The following OTOG variants were observed in gnomAD, a reference collection of about 807,000 sequenced individuals.
The protein encoded by OTOG is otogelin.
A neutral mutation model predicts 313.8 loss-of-function variants in OTOG; 296 were observed. The ratio of observed to expected loss-of-function variants is 0.94; its 90% CI spans 0.86 to 1.04. The LOEUF (loss-of-function observed/expected upper bound fraction) is 1.04, where lower values mean the gene tolerates loss of function less well. Ranked by LOEUF, OTOG falls within the 50% of genes least tolerant of loss-of-function variation. The pLI, the probability that OTOG is intolerant of heterozygous loss-of-function variation, is 0.00. For synonymous variants in OTOG, 1,533 were observed against 1,554.9 expected, an observed-to-expected ratio of 0.99 and a Z score of 0.33; for missense variants, 3,948 against 3,840.1, an observed-to-expected ratio of 1.03 and a Z score of -0.74.
intron 55 of OTOG, 36 bp downstream of exon 55, chr11:17,645,679 A>C: frequency 6.4e-7 from 1 of 1,550,648 alleles, no homozygotes; most frequent in East Asian, 2.4e-5. Context: ...GGCAGCAAAA[A>C]ATGGGATGGA....
chr11:17,635,159 G>A lies in OTOG; in HGVS notation c.7665G>A (p.Gly2555=), dbSNP rs1854233943. The change falls in exon 46 of 56, where the codon GGG becomes GGA. Residue 2555 remains glycine, a synonymous_variant. Transcript: ENST00000399397. ...QDQILITGRL[G]DSCCTSYFCA... ...AGATCCTGATCACGGGCCGCCTGGG[G>A]GACTCCTGCTGCACCTCCTACTTCT... is the stretch of plus-strand genomic sequence containing the variant. The A allele has an allele frequency of 9.7e-6, 15 of 1,547,604 alleles. No homozygotes were observed. Among genetic ancestry groups the A allele is most frequent in the Non-Finnish European group, 1.2e-5 (14 of 1,146,742 alleles).
chr11:17,628,367 G>A (rs1352258362), intron 39 of OTOG, among the ~76,000 whole-genome samples: 1 of 151,876 alleles, frequency 6.6e-6, no homozygotes, highest in Non-Finnish European at 1.5e-5. Flanking sequence ...GAAGGGAGGA[G>A]GTTAATTCAT....
At chr11:17,640,177 T>C (rs1847940878) in intron 49 of OTOG, among the ~76,000 whole-genome samples, 1 of 152,120 alleles carries the variant, frequency 6.6e-6, no homozygotes, top group Admixed American at 6.5e-5. Flanking sequence ...ATGTGTATTA[T>C]TTATTCTCAC....
intron 39 of OTOG, among the ~76,000 whole-genome samples, chr11:17,617,580 AT>A (rs1853753383): frequency 1.3e-5 from 2 of 152,270 alleles, no homozygotes; most frequent in South Asian, 4.1e-4. Context: ...AAGTTGTTAA[AT>A]TTATAAACAT....
At chr11:17,617,232 G>T (rs747013400) in intron 39 of OTOG, among the ~76,000 whole-genome samples, 2 of 151,990 alleles carry the variant, frequency 1.3e-5, no homozygotes, top group Non-Finnish European at 2.9e-5. Context: ...TTTATATATT[G>T]TTGTATCCTT....
chr11:17,606,161 C>T (rs1219668521), intron 33 of OTOG, 26 bp downstream of exon 33: 13 of 1,506,954 alleles, frequency 8.6e-6, no homozygotes, highest in South Asian at 7.9e-5. Context: ...CCATTGCCCT[C>T]GGCCCTTTGG....
chr11:17,605,873 C>T lies in OTOG; in HGVS notation c.3894C>T (p.Ser1298=). The change falls in exon 33 of 56, where the codon TCC becomes TCT. Residue 1298 remains serine (S), a synonymous_variant. Coordinates refer to ENST00000399397, the MANE Select transcript of OTOG (RefSeq NM_001292063.2). ...TCTCTGCAGACCCAGATGTGGTGTCCCTGGAGGCAGCAGACAGACCCAACT... is the reference window on the plus strand; with the variant it reads ...TCTCTGCAGACCCAGATGTGGTGTCTCTGGAGGCAGCAGACAGACCCAACT... The part of the protein sequence containing the change: ...KAKAHDPDVV[S]LEAADRPNFF... The T allele has an allele frequency of 6.5e-7, 1 of 1,546,542 alleles. No homozygotes were observed. The highest frequency in any genetic ancestry group is 1.4e-5 in the African/African-American group (1 of 73,124).
Position 17,638,562 on chromosome 11 carries a change from T to C in OTOG, c.7894+13T>C. 1 of 1,548,804 alleles carries C rather than the reference T, an allele frequency of 6.5e-7. No homozygotes were observed. Among genetic ancestry groups the C allele is most frequent in the Non-Finnish European group, 8.7e-7 (1 of 1,145,622 alleles). On this transcript the variant is annotated intron_variant, in intron 48 of 55. Coordinates refer to ENST00000399397, the MANE Select transcript of OTOG (RefSeq NM_001292063.2). ...TACAAATCCTGTGGTGAGTCCGTGG[T>C]CAGGACAGCCTCCCCGCTGGGAGAT...
At chr11:17,626,100 G>A (rs1477875265) in intron 39 of OTOG, among the ~76,000 whole-genome samples, 1 of 152,166 alleles carries the variant, frequency 6.6e-6, no homozygotes, top group African/African-American at 2.4e-5. Flanking sequence ...TGTCGAAAAT[G>A]AGTTCACTGA....
Position 17,613,614 on chromosome 11 carries a change from G to T in OTOG, c.6441G>T (p.Gly2147=). The T allele has an allele frequency of 6.4e-7, 1 of 1,550,468 alleles. No homozygotes were observed. The change falls in exon 39 of 56, where the codon GGG becomes GGT. Residue 2147 remains glycine (G), a splice_region_variant and synonymous_variant. Coordinates refer to ENST00000399397, the MANE Select transcript of OTOG (RefSeq NM_001292063.2). ...TGAGGGCTGGGTTCTCTCTGCAGGG[G>T]CACCTGAACTGGCCCCCGTTCTGTC... ...HVLDCKSANL[G]HLNWPPFCLV...
Position 17,646,042 on chromosome 11 carries a change from C to A in OTOG, c.*98C>A. The A allele has an allele frequency of 7.9e-7, 1 of 1,273,232 alleles. No homozygotes were observed. Among genetic ancestry groups the A allele is most frequent in the Non-Finnish European group, 1.1e-6 (1 of 916,860 alleles). 78.9% of individuals were successfully genotyped at this position (1,273,232 alleles called of 1,614,324 possible). On this transcript the variant is annotated 3_prime_UTR_variant, in exon 56 of 56. Coordinates refer to ENST00000399397, the MANE Select transcript of OTOG (RefSeq NM_001292063.2). ...TGGGGGTATTAAAGGTGGTAGAAAT[C>A]TGGCACGTGTTGAGCATGGAATGGT...
At position 17,635,638 on chromosome 11, in the gene OTOG, C is replaced by T. The variant is rs1260956852; in HGVS notation, c.7722C>T (p.Pro2574=). 1.5e-5 allele frequency: 23 copies of T among 1,550,410 alleles called. No individual in the cohort carries two copies. The highest frequency in any genetic ancestry group is 5.9e-5 in the Admixed American group (3 of 50,982). Residue 2574 remains proline, a synonymous_variant, in exon 47 of 56, where the codon CCC becomes CCT. Transcript: ENST00000399397. ...CACGDCPDSI[P]ECQEGEALTV... is the part of the protein sequence containing the mutation. The stretch of plus-strand genomic sequence containing the variant: ...GTGGTGACTGTCCAGACTCCATCCC[C>T]GAATGTCAAGAAGGGGAGGCGCTCA...
chr11:17,552,101 A>G (rs1851949701), intron 4 of OTOG, 26 bp downstream of exon 4: 1 of 1,548,186 alleles, frequency 6.5e-7, no homozygotes, highest in Non-Finnish European at 8.7e-7. Context: ...ACTGTGGTCC[A>G]TGGGTTGTGC....
At chr11:17,589,215 G>A (rs113890367) in intron 24 of OTOG, among the ~76,000 whole-genome samples, 1,928 of 152,164 alleles carry the variant, frequency 0.013, 49 homozygotes, top group African/African-American at 0.044. Flanking sequence ...CAGAAGGGTC[G>A]AAAAGGCCCT....
chr11:17,641,812 C>T, intron 51 of OTOG, 35 bp from the exon 52 acceptor site: 1 of 1,456,208 alleles, frequency 6.9e-7, no homozygotes, highest in Non-Finnish European at 9.3e-7. Context: ...TGGAGGTGGG[C>T]ATCTGGCTGA....
At chr11:17,549,899 C>T (rs936210717) in intron 3 of OTOG, among the ~76,000 whole-genome samples, 2 of 152,108 alleles carry the variant, frequency 1.3e-5, no homozygotes, top group Admixed American at 6.5e-5. Flanking sequence ...TTCAAGGGCT[C>T]CTGTTTGGAA....
At chr11:17,628,565 T>C (rs1418207294) in intron 39 of OTOG, among the ~76,000 whole-genome samples, 3 of 152,220 alleles carry the variant, frequency 2.0e-5, no homozygotes, top group Non-Finnish European at 4.4e-5. Flanking sequence ...AGCCCCTATT[T>C]ATGTTAGGCT....
Position 17,610,628 on chromosome 11 carries a change from A to C in OTOG, c.5328A>C (p.Ser1776=). The change falls in exon 36 of 56, where the codon TCA becomes TCC. Residue 1776 remains serine, a synonymous_variant. Coordinates refer to ENST00000399397, the MANE Select transcript of OTOG (RefSeq NM_001292063.2). ...PPETPAAASL[S]TATDGLAATP... ...AGACCCCAGCTGCCGCCAGCCTGTCAACAGCCACTGATGGGCTGGCAGCCA... is the reference window on the plus strand; with the variant it reads ...AGACCCCAGCTGCCGCCAGCCTGTCCACAGCCACTGATGGGCTGGCAGCCA... The C allele has an allele frequency of 1.9e-6, 3 of 1,550,472 alleles. No homozygotes were observed. Among genetic ancestry groups the C allele is most frequent in the Non-Finnish European group, 2.6e-6 (3 of 1,146,942 alleles).
chr11:17,639,484 C>G (rs1469377444), intron 49 of OTOG, 21 bp downstream of exon 49: 19 of 1,549,738 alleles, frequency 1.2e-5, no homozygotes, highest in Non-Finnish European at 1.6e-5. Flanking sequence ...GCTCCTCCCC[C>G]AACACTCCCT....
Sources: gnomAD v4.1 joint callset for allele counts (sites outside exome capture counted in the v4.1 genomes callset) on GRCh38, gnomAD v4.1.1 for gene constraint, MANE v1.5 for transcripts, NCBI Gene and HGNC (gene_info 2026-07-23, HGNC 2026-07-21) for gene names.